NUDT3: variants seen among roughly 807,000 people sequenced by gnomAD.
NUDT3 encodes nudix hydrolase 3.
In NUDT3, 9 loss-of-function variants were observed where a neutral mutation model predicts 23.6. That is an observed-to-expected ratio of 0.38 (90% CI 0.23 to 0.66). The LOEUF (loss-of-function observed/expected upper bound fraction) is 0.66. NUDT3 is among the 30% of genes least tolerant of loss of function. The probability of loss-of-function intolerance (pLI) is 0.52; values close to 1 mark genes in which losing one functional copy is unlikely to be tolerated. For missense variants in NUDT3, 172 were observed against 218.5 expected, an observed-to-expected ratio of 0.79 and a Z score of 1.34; for synonymous variants, 86 against 82.6, an observed-to-expected ratio of 1.04 and a Z score of -0.22.
chr6:34,301,123 A>G (rs1269126598), intron 2 of NUDT3, among the ~76,000 whole-genome samples: 1 of 129,792 alleles, frequency 7.7e-6, no homozygotes, highest in Non-Finnish European at 1.8e-5. Flanking sequence ...GGAATTTACC[A>G]TAATTTATTA....
At chr6:34,334,483 T>G (rs1764175751) in intron 2 of NUDT3, among the ~76,000 whole-genome samples, 1 of 151,564 alleles carries the variant, frequency 6.6e-6, no homozygotes, top group African/African-American at 2.4e-5. Flanking sequence ...CTACTAAAAA[T>G]ACGAAACTAG....
At chr6:34,364,486 T>C (rs1173067186) in intron 1 of NUDT3, among the ~76,000 whole-genome samples, 1 of 152,146 alleles carries the variant, frequency 6.6e-6, no homozygotes, top group East Asian at 1.9e-4. Flanking sequence ...AACTAAACAA[T>C]GGCCTGCCAT....
intron 1 of NUDT3, among the ~76,000 whole-genome samples, chr6:34,387,864 T>C (rs1765133449): frequency 6.6e-6 from 1 of 152,074 alleles, no homozygotes; most frequent in Non-Finnish European, 1.5e-5. Flanking sequence ...GAAAAATAAT[T>C]TTTTGATTTA....
At chr6:34,305,701 G>GT (rs1763669409) in intron 2 of NUDT3, among the ~76,000 whole-genome samples, 1 of 152,108 alleles carries the variant, frequency 6.6e-6, no homozygotes, top group Non-Finnish European at 1.5e-5. Context: ...GCTGTATCCC[G>GT]TAAGTCATGA....
At chr6:34,353,073 T>C (rs1764501989) in intron 1 of NUDT3, among the ~76,000 whole-genome samples, 3 of 152,242 alleles carry the variant, frequency 2.0e-5, no homozygotes, top group Admixed American at 2.0e-4. Context: ...CTCTTAACTC[T>C]GTCCCAAGAG....
chr6:34,346,249 T>G (rs537591083), intron 1 of NUDT3, among the ~76,000 whole-genome samples: 1 of 152,260 alleles, frequency 6.6e-6, no homozygotes, highest in African/African-American at 2.4e-5. Flanking sequence ...ACAAAAGCAT[T>G]TAAGTCATAT....
At chr6:34,311,620 C>A (rs1763773821) in intron 2 of NUDT3, among the ~76,000 whole-genome samples, 1 of 152,156 alleles carries the variant, frequency 6.6e-6, no homozygotes, top group South Asian at 2.1e-4. Context: ...AGACAGTCAA[C>A]TCGTTAAGAA....
chr6:34,309,059 T>C (rs552539472), intron 2 of NUDT3, among the ~76,000 whole-genome samples: 50 of 152,288 alleles, frequency 3.3e-4, no homozygotes, highest in Middle Eastern at 6.8e-3. Flanking sequence ...TTAAAATGTA[T>C]GCTCTCAGAC....
intron 2 of NUDT3, among the ~76,000 whole-genome samples, chr6:34,334,087 C>T (rs1039039377): frequency 6.6e-6 from 1 of 152,246 alleles, no homozygotes. Context: ...TGTTGTTCCA[C>T]CTGTCACGAG....
chr6:34,378,614 G>T (rs1764964381), intron 1 of NUDT3, among the ~76,000 whole-genome samples: 1 of 152,188 alleles, frequency 6.6e-6, no homozygotes, highest in Admixed American at 6.5e-5. Context: ...TCCAGAGGTG[G>T]CAGCAAAAGC....
At chr6:34,372,406 T>C (rs965847658) in intron 1 of NUDT3, among the ~76,000 whole-genome samples, 2 of 152,142 alleles carry the variant, frequency 1.3e-5, no homozygotes, top group African/African-American at 4.8e-5. Flanking sequence ...CCAGCACCTG[T>C]TGTTTCCTGA....
At chr6:34,374,776 T>A (rs1039137849) in intron 1 of NUDT3, among the ~76,000 whole-genome samples, 2 of 152,218 alleles carry the variant, frequency 1.3e-5, no homozygotes, top group Non-Finnish European at 2.9e-5. Flanking sequence ...GCACCAACTA[T>A]GTTATCTGGG....
chr6:34,371,816 T>C (rs1242912495), intron 1 of NUDT3, among the ~76,000 whole-genome samples: 1 of 152,216 alleles, frequency 6.6e-6, no homozygotes, highest in Non-Finnish European at 1.5e-5. Context: ...TACATACGTA[T>C]ACATGTGCCA....
intron 2 of NUDT3, among the ~76,000 whole-genome samples, chr6:34,329,888 T>C (rs1236051755): frequency 6.6e-6 from 1 of 152,154 alleles, no homozygotes; most frequent in Non-Finnish European, 1.5e-5. Context: ...CCATGAGTGA[T>C]AACATGTGGT....
At chr6:34,329,314 C>G (rs959067719) in intron 2 of NUDT3, among the ~76,000 whole-genome samples, 7 of 152,058 alleles carry the variant, frequency 4.6e-5, no homozygotes, top group Admixed American at 3.3e-4. Context: ...AAGTCTCGCT[C>G]TTATCCCCCA....
At chr6:34,298,689 T>C (rs578078461) in intron 2 of NUDT3, among the ~76,000 whole-genome samples, 98 of 152,234 alleles carry the variant, frequency 6.4e-4, no homozygotes, top group African/African-American at 2.2e-3. Context: ...CAAGCAATTC[T>C]CCTGCCTCAG....
chr6:34,334,769 A>G (rs866812168), intron 2 of NUDT3, among the ~76,000 whole-genome samples: 1 of 152,114 alleles, frequency 6.6e-6, no homozygotes, highest in Middle Eastern at 3.4e-3. Context: ...GTCTCTAATA[A>G]ATAATAATAA....
chr6:34,293,661 T>G, intron 3 of NUDT3, 126 bp from the exon 4 acceptor site: 1 of 1,112,166 alleles, frequency 9.0e-7, no homozygotes, highest in South Asian at 1.5e-5. Context: ...TTTTACTTTT[T>G]ATGGTCCTAC....
chr6:34,377,146 C>T (rs453919), intron 1 of NUDT3, among the ~76,000 whole-genome samples: 277 of 152,164 alleles, frequency 1.8e-3, no homozygotes, highest in African/African-American at 6.3e-3. Flanking sequence ...ACTTTATGTC[C>T]CACTTTTTAA....
Sources: gnomAD v4.1 joint callset for allele counts (sites outside exome capture counted in the v4.1 genomes callset) on GRCh38, gnomAD v4.1.1 for gene constraint, MANE v1.5 for transcripts, NCBI Gene and HGNC (gene_info 2026-07-23, HGNC 2026-07-21) for gene names.